The following MAST4 variants were observed in gnomAD, a reference collection of about 807,000 sequenced individuals.
MAST4 encodes the protein microtubule-associated serine/threonine-protein kinase 4.
MAST4 carries 89 observed loss-of-function variants against 162.7 expected under a neutral mutation model. The ratio of observed to expected loss-of-function variants is 0.55; its 90% CI spans 0.46 to 0.65. The LOEUF is 0.65. Among genes scored for constraint, MAST4 ranks in the 30% least tolerant of loss-of-function variants. The probability of loss-of-function intolerance (pLI) is 0.00; values close to 1 mark genes in which losing one functional copy is unlikely to be tolerated. For synonymous variants in MAST4, 1,479 were observed against 1,361.1 expected (o/e 1.09, Z -1.91); for missense variants, 3,153 against 3,374.0 (o/e 0.93, Z 1.62).
intron 4 of MAST4, among the ~76,000 whole-genome samples, chr5:67,005,296 A>G (rs999730153): frequency 2.0e-5 from 3 of 152,202 alleles, no homozygotes; most frequent in African/African-American, 7.2e-5. Context: ...TGCTTCTCAT[A>G]GGTTTTCTCC....
At chr5:67,072,332 G>A (rs1253541610) in intron 5 of MAST4, among the ~76,000 whole-genome samples, 1 of 152,068 alleles carries the variant, frequency 6.6e-6, no homozygotes, top group Non-Finnish European at 1.5e-5. Context: ...AATAGACATT[G>A]AAAAAGCCCT....
intron 4 of MAST4, among the ~76,000 whole-genome samples, chr5:66,913,371 T>C (rs978528426): frequency 6.6e-6 from 1 of 151,986 alleles, no homozygotes; most frequent in African/African-American, 2.4e-5. Context: ...ACTAGAGTAA[T>C]ATTATATGCA....
intron 1 of MAST4, among the ~76,000 whole-genome samples, chr5:66,744,722 G>A (rs1752654215): frequency 6.6e-6 from 1 of 152,128 alleles, no homozygotes; most frequent in Non-Finnish European, 1.5e-5. Flanking sequence ...CACCAGAACA[G>A]CACCTAGTGA....
chr5:66,962,130 C>T (rs1482669880), intron 4 of MAST4, among the ~76,000 whole-genome samples: 1 of 152,174 alleles, frequency 6.6e-6, no homozygotes, highest in Non-Finnish European at 1.5e-5. Flanking sequence ...TGATTTTAGC[C>T]ATCATTGCCA....
chr5:67,137,304 C>A (rs1769785988), intron 19 of MAST4, among the ~76,000 whole-genome samples: 1 of 152,208 alleles, frequency 6.6e-6, no homozygotes, highest in Non-Finnish European at 1.5e-5. Flanking sequence ...ATTTTATTCC[C>A]TTTTCTTCTC....
intron 1 of MAST4, among the ~76,000 whole-genome samples, chr5:66,618,760 T>C (rs570501823): frequency 3.5e-4 from 53 of 152,358 alleles, no homozygotes; most frequent in African/African-American, 1.2e-3. Context: ...TTTCATTTCC[T>C]TTAGTAGTCT....
intron 10 of MAST4, 42 bp from the exon 11 acceptor site, chr5:67,110,056 G>A (rs1399845687): frequency 7.0e-7 from 1 of 1,418,442 alleles, no homozygotes; most frequent in Non-Finnish European, 1.0e-6. Context: ...CCATTTAATG[G>A]AACAACTCTG....
intron 2 of MAST4, among the ~76,000 whole-genome samples, chr5:66,762,216 G>A (rs1183492082): frequency 2.0e-5 from 3 of 151,786 alleles, no homozygotes; most frequent in Admixed American, 2.0e-4. Flanking sequence ...CTAAGTCTTT[G>A]GTCAGATAAT....
chr5:66,899,961 G>T lies in MAST4; in HGVS notation c.653G>T (p.Ser218Ile). 6.6e-7 allele frequency: 1 copy of T among 1,520,940 alleles called. No homozygotes were observed. Among genetic ancestry groups the T allele is most frequent in the Non-Finnish European group, 8.8e-7 (1 of 1,135,674 alleles). The allele number at this position is 1,520,940 out of a possible 1,614,324, so 94.2% of individuals were successfully genotyped here. A position where few individuals can be genotyped will look rare whatever the true frequency, so the allele number is the denominator to read the frequency against. ...PSLTASLKEL[S>I]LPRRGSFCRT... is the part of the protein sequence containing the mutation. The stretch of plus-strand genomic sequence containing the variant: ...TTTTTTCTTTTGCAGAAGGAGCTGA[G>T]TCTCCCCAGAAGAGGAAGTTTGTAA... The change falls in exon 4 of 29, where the codon AGT becomes ATT. Residue 218 changes from serine (S) to isoleucine (I), a missense_variant. Physicochemically the swap from Ser to Ile is moderately radical, Grantham distance 142. Transcript: ENST00000403625.
At chr5:67,125,015 G>T (rs1474700071) in intron 14 of MAST4, among the ~76,000 whole-genome samples, 1 of 152,140 alleles carries the variant, frequency 6.6e-6, no homozygotes, top group East Asian at 1.9e-4. Flanking sequence ...TTGAAAATCA[G>T]AATGGCCACC....
chr5:67,144,457 T>TACACACAC (rs57996757), intron 21 of MAST4, among the ~76,000 whole-genome samples: 24 of 149,942 alleles, frequency 1.6e-4, no homozygotes, highest in African/African-American at 4.9e-4. Context: ...CGTATATATG[T>TACACACAC]ACACACACAC....
At position 67,150,294 on chromosome 5, in the gene MAST4, A is replaced by T. The variant is rs1376766599; in HGVS notation, c.3295+705A>T. Among the ~76,000 whole-genome samples, 8 of 152,364 alleles carry T rather than the reference A, an allele frequency of 5.3e-5. No homozygotes were observed. In the East Asian group the frequency reaches 1.5e-3, roughly 29 times the overall value. On this transcript the variant is annotated intron_variant, in intron 24 of 28. Coordinates refer to ENST00000403625, the MANE Select transcript of MAST4 (RefSeq NM_001164664.2). ...ACCCTGATGGTTGTGATATCACTCA[A>T]ATGACAGCAAGAGAGTAGAATGGGA...
intron 3 of MAST4, among the ~76,000 whole-genome samples, chr5:66,883,328 T>G (rs1260167712): frequency 6.6e-6 from 1 of 152,086 alleles, no homozygotes; most frequent in African/African-American, 2.4e-5. Context: ...GGAAATTTGT[T>G]CAAGGAGACT....
intron 1 of MAST4, among the ~76,000 whole-genome samples, chr5:66,681,927 G>T (rs1350728110): frequency 6.6e-6 from 1 of 152,164 alleles, no homozygotes; most frequent in African/African-American, 2.4e-5. Context: ...CTTATTTGGG[G>T]GGTGGGTGAC....
At chr5:67,029,036 G>T (rs572000745) in intron 4 of MAST4, among the ~76,000 whole-genome samples, 47 of 151,948 alleles carry the variant, frequency 3.1e-4, no homozygotes, top group Admixed American at 2.0e-3. Context: ...CTGAGATGCT[G>T]AAGTGAGAAG....
intron 5 of MAST4, among the ~76,000 whole-genome samples, chr5:67,062,364 C>T (rs1028963225): frequency 3.9e-5 from 6 of 152,060 alleles, no homozygotes; most frequent in Admixed American, 1.3e-4. Context: ...CGCCACTGCA[C>T]TCCAGCCTGG....
intron 4 of MAST4, among the ~76,000 whole-genome samples, chr5:66,979,536 G>A (rs374712114): frequency 6.6e-6 from 1 of 152,182 alleles, no homozygotes; most frequent in Non-Finnish European, 1.5e-5. Context: ...CTCTAGATCC[G>A]CTAGAGATGC....
chr5:67,018,299 G>T (rs762409983), intron 4 of MAST4, among the ~76,000 whole-genome samples: 1 of 152,120 alleles, frequency 6.6e-6, no homozygotes, highest in Non-Finnish European at 1.5e-5. Flanking sequence ...CTTTTGAGAG[G>T]CAGGAGGGTC....
Position 66,596,485 on chromosome 5 carries a change from A to T in MAST4, c.-171A>T. 1.3e-6 allele frequency: 1 copy of T among 787,090 alleles called. No homozygotes were observed. Among genetic ancestry groups the T allele is most frequent in the Non-Finnish European group, 1.7e-6 (1 of 577,522 alleles). 48.8% of individuals were successfully genotyped at this position (787,090 alleles called of 1,614,324 possible). A position where few individuals can be genotyped will look rare whatever the true frequency, so the allele number is the denominator to read the frequency against. ...GGGCCCGGGCGGCTGTGAACTTAGC[A>T]GCGGGCTCCTGCGGCCCCGTCACTG... On this transcript the variant is annotated 5_prime_UTR_variant, in exon 1 of 29. Coordinates refer to ENST00000403625, the MANE Select transcript of MAST4 (RefSeq NM_001164664.2).
Sources: allele counts gnomAD v4.1 joint callset (sites outside exome capture counted in the v4.1 genomes callset), GRCh38; gene constraint gnomAD v4.1.1; transcripts MANE v1.5; gene names NCBI Gene and HGNC (gene_info 2026-07-23, HGNC 2026-07-21).